Variants in MTHFD1L observed in about 807,000 individuals in gnomAD.
MTHFD1L encodes the protein methylenetetrahydrofolate dehydrogenase (NADP+ dependent) 1 like.
In MTHFD1L, 81 loss-of-function variants were observed where a neutral mutation model predicts 119.5. The ratio of observed to expected loss-of-function variants is 0.68; its 90% CI spans 0.57 to 0.82. MTHFD1L has a LOEUF of 0.82. Ranked by LOEUF, MTHFD1L falls within the 40% of genes least tolerant of loss-of-function variation. The probability of loss-of-function intolerance (pLI) is 0.00; values close to 1 mark genes in which losing one functional copy is unlikely to be tolerated. For missense variants in MTHFD1L, 1,125 were observed against 1,253.4 expected (o/e 0.90, Z 1.55); for synonymous variants, 430 against 475.2 (o/e 0.90, Z 1.24).
chr6:150,922,052 C>T lies in MTHFD1L; in HGVS notation c.985-153C>T, dbSNP rs576539567. Among the ~76,000 whole-genome samples, 71 of 152,284 alleles carry T rather than the reference C, an allele frequency of 4.7e-4. No homozygotes were observed. The Middle Eastern group carries it at 0.014, about 29-fold the overall frequency. On this transcript the variant is annotated intron_variant, in intron 9 of 27. Coordinates refer to ENST00000367321, the MANE Select transcript of MTHFD1L (RefSeq NM_015440.5). ...AGAAAAACCTACAAACCTAGTTACA[C>T]GTGAATAAAAATATTCCTAATATCC... is the stretch of plus-strand genomic sequence containing the variant.
rs572384745 is a variant in MTHFD1L at position 151,015,654 on chromosome 6, G to T, written c.2547G>T (p.Ala849=). ...VDLARAVREA[A]SKRSRFQFLY... ...TGGCTCGGGCTGTGAGAGAGGCTGC[G>T]AGTAAAAGAAGCCGATTCCAGTTCC... The change falls in exon 24 of 28, where the codon GCG becomes GCT. Residue 849 remains alanine, a synonymous_variant. Coordinates refer to ENST00000367321, the MANE Select transcript of MTHFD1L (RefSeq NM_015440.5). The T allele has an allele frequency of 6.2e-7, 1 of 1,614,004 alleles. No individual in the cohort carries two copies. The highest frequency in any genetic ancestry group is 1.7e-5 in the Admixed American group (1 of 59,984).
intron 20 of MTHFD1L, among the ~76,000 whole-genome samples, chr6:151,004,380 G>A (rs1157066607): frequency 1.3e-5 from 2 of 152,160 alleles, no homozygotes; most frequent in African/African-American, 4.8e-5. Flanking sequence ...TTTAATGTGT[G>A]CAGTAAGGTG....
chr6:150,901,478 C>CA (rs914861973), intron 7 of MTHFD1L, among the ~76,000 whole-genome samples: 2 of 152,038 alleles, frequency 1.3e-5, no homozygotes, highest in Admixed American at 1.3e-4. Context: ...ACCCCGTCTC[C>CA]AAAAATAAAT....
chr6:150,866,699 G>C, intron 1 of MTHFD1L: 1 of 1,137,130 alleles, frequency 8.8e-7, no homozygotes, highest in African/African-American at 1.6e-5. Context: ...CTGGTTTCCA[G>C]CTTCGCCGCG....
Position 151,091,826 on chromosome 6 carries a change from C to T in MTHFD1L, c.2848-641C>T, listed in dbSNP as rs114149639. Among the ~76,000 whole-genome samples the T allele has an allele frequency of 2.1e-3, 324 of 152,226 alleles. 2 individuals carry two copies. Among genetic ancestry groups the T allele is most frequent in the African/African-American group, 7.4e-3 (309 of 41,540 alleles). On this transcript the variant is annotated intron_variant, in intron 26 of 27. Transcript: ENST00000367321. The stretch of plus-strand genomic sequence containing the variant: ...GTTTTGCAACTTTTTACTAGTGTGA[C>T]CTGGGCAAGTGACTTAGCCTCTCCA...
intron 27 of MTHFD1L, among the ~76,000 whole-genome samples, chr6:151,097,965 G>A (rs1795027367): frequency 6.6e-6 from 1 of 152,102 alleles, no homozygotes; most frequent in Non-Finnish European, 1.5e-5. Flanking sequence ...CTTGAGCCCA[G>A]GAATTCGAGA....
chr6:150,981,530 A>T lies in MTHFD1L; in HGVS notation c.2125+9472A>T, dbSNP rs185776836. 2.6e-5 allele frequency among the ~76,000 whole-genome samples: 4 copies of T among 152,282 alleles called. No individual in the cohort carries two copies. The East Asian group carries it at 7.7e-4, about 29-fold the overall frequency. ...GTTTTCAAATTTTATATATTAATAG[A>T]TATTAACTGACTGCATTGTTCTCTA... On this transcript the variant is annotated intron_variant, in intron 20 of 27. Coordinates refer to ENST00000367321, the MANE Select transcript of MTHFD1L (RefSeq NM_015440.5).
At chr6:151,034,661 C>T in intron 25 of MTHFD1L, 61 bp downstream of exon 25, 2 of 1,073,298 alleles carry the variant, frequency 1.9e-6, no homozygotes, top group Non-Finnish European at 1.4e-6. Flanking sequence ...GAATACTCAG[C>T]TTGACTTGAG....
intron 12 of MTHFD1L, among the ~76,000 whole-genome samples, chr6:150,937,635 G>A (rs967906891): frequency 3.3e-5 from 5 of 152,180 alleles, no homozygotes; most frequent in African/African-American, 1.2e-4. Context: ...ATCGTGTAGT[G>A]GAATGAACAC....
rs1388377643 is a variant in MTHFD1L, at chr6:151,077,658, G to A, written c.2848-14809G>A. ...ATCGTGCCACTATACTCTAGCCTGG[G>A]CGGCAGAGTGAAACTGTGTCTTAAA... is the stretch of plus-strand genomic sequence containing the variant. On this transcript the variant is annotated intron_variant, in intron 26 of 27. Transcript: ENST00000367321. Among the ~76,000 whole-genome samples, 9 of 152,040 alleles carry A rather than the reference G, an allele frequency of 5.9e-5. No homozygotes were observed. In the East Asian group the frequency reaches 1.5e-3, roughly 26 times the overall value.
chr6:151,030,012 C>T (rs997905411), intron 24 of MTHFD1L, among the ~76,000 whole-genome samples: 14 of 152,090 alleles, frequency 9.2e-5, no homozygotes, highest in Non-Finnish European at 1.2e-4. Context: ...GCTGTACTTC[C>T]AAGCAAAATG....
chr6:150,909,064 G>T (rs1786419178), intron 8 of MTHFD1L, among the ~76,000 whole-genome samples: 1 of 151,920 alleles, frequency 6.6e-6, no homozygotes, highest in Non-Finnish European at 1.5e-5. Context: ...TTATGATGAG[G>T]CAATTCTGTA....
chr6:150,911,671 C>T (rs902750888), intron 8 of MTHFD1L, among the ~76,000 whole-genome samples: 1 of 152,028 alleles, frequency 6.6e-6, no homozygotes, highest in African/African-American at 2.4e-5. Flanking sequence ...AGTCCATTTT[C>T]GCACTGCTGA....
In MTHFD1L at chr6:151,085,761, ACT is replaced by A. The variant is rs1222287560; in HGVS notation, c.2848-6703_2848-6702del. ...ACTTCAGCCTGGGCGACAGAGCGAG[ACT>A]CTGTCTCAAAAAAAAAAACAATGAC... On this transcript the variant is annotated intron_variant, in intron 26 of 27. Coordinates refer to ENST00000367321, the MANE Select transcript of MTHFD1L (RefSeq NM_015440.5). Among the ~76,000 whole-genome samples, 3 of 95,224 alleles carry A rather than the reference ACT, an allele frequency of 3.2e-5. No individual in the cohort carries two copies. In the Admixed American group the frequency reaches 3.6e-4, roughly 12 times the overall value. 62.5% of individuals were successfully genotyped at this position (95,224 alleles called of 152,430 possible). A position where few individuals can be genotyped will look rare whatever the true frequency, so the allele number is the denominator to read the frequency against.
chr6:150,973,030 T>G (rs1203921501), intron 20 of MTHFD1L, among the ~76,000 whole-genome samples: 1 of 152,166 alleles, frequency 6.6e-6, no homozygotes, highest in Non-Finnish European at 1.5e-5. Context: ...AACACAGGCA[T>G]TCATGGAGGA....
At chr6:150,987,145 T>TA (rs1778427408) in intron 20 of MTHFD1L, among the ~76,000 whole-genome samples, 1 of 152,188 alleles carries the variant, frequency 6.6e-6, no homozygotes, top group Non-Finnish European at 1.5e-5. Flanking sequence ...TAGTATTGTG[T>TA]ATAGGATCTT....
At position 150,949,138 on chromosome 6, in the gene MTHFD1L, G is replaced by A. The variant is rs769351169; in HGVS notation, c.1726+5G>A. The A allele has an allele frequency of 6.2e-7, 1 of 1,613,352 alleles. No homozygotes were observed. The highest frequency in any genetic ancestry group is 8.5e-7 in the Non-Finnish European group (1 of 1,179,508). ...CTACCATCACGTGGCAGAGAGGTGG[G>A]TGCTGGGGAGATGCCAGCAGGCTGA... On this transcript the variant is annotated splice_donor_5th_base_variant and intron_variant, in intron 16 of 27. Transcript: ENST00000367321.
intron 20 of MTHFD1L, among the ~76,000 whole-genome samples, chr6:150,999,999 T>G (rs758799751): frequency 6.6e-6 from 1 of 152,172 alleles, no homozygotes; most frequent in Non-Finnish European, 1.5e-5. Flanking sequence ...ATGAACTTGG[T>G]CATCACCAAA....
chr6:150,991,664 CTG>C (rs1445741102), intron 20 of MTHFD1L, among the ~76,000 whole-genome samples: 1 of 152,142 alleles, frequency 6.6e-6, no homozygotes, highest in African/African-American at 2.4e-5. Flanking sequence ...AGGCATGTGA[CTG>C]TAGCTGACAA....
Sources: allele counts gnomAD v4.1 joint callset (sites outside exome capture counted in the v4.1 genomes callset), GRCh38; gene constraint gnomAD v4.1.1; transcripts MANE v1.5; gene names NCBI Gene and HGNC (gene_info 2026-07-23, HGNC 2026-07-21).